IPO5: variants seen among roughly 807,000 people sequenced by gnomAD.
IPO5 encodes importin 5, also known as importin-5.
Under a neutral mutation model 143.3 loss-of-function variants are expected in IPO5, and 18 were observed. That is an observed-to-expected ratio of 0.13 (90% CI 0.09 to 0.19). The LOEUF (loss-of-function observed/expected upper bound fraction) is 0.19. IPO5 is among the 10% of genes least tolerant of loss of function. The pLI, the probability that IPO5 is intolerant of heterozygous loss-of-function variation, is 1.00. For synonymous variants in IPO5, 477 were observed against 465.7 expected (o/e 1.02, Z -0.31); for missense variants, 1,013 against 1,336.9 (o/e 0.76, Z 3.78).
intron 13 of IPO5, chr13:98,002,245 GACCTT>G: frequency 6.2e-6 from 2 of 320,802 alleles, no homozygotes; most frequent in South Asian, 1.5e-4. Context: ...TCGATCTCCT[GACCTT>G]GTGATCCGCC....
chr13:97,976,984 G>A (rs1844106894), intron 4 of IPO5, 198 bp downstream of exon 4: 1 of 187,164 alleles, frequency 5.3e-6, no homozygotes, highest in Non-Finnish European at 1.1e-5. Flanking sequence ...TTGCTGCCGC[G>A]GCGCCTGGCA....
chr13:98,009,337 A>T (rs1308389209), intron 18 of IPO5, among the ~76,000 whole-genome samples: 1 of 152,198 alleles, frequency 6.6e-6, no homozygotes, highest in African/African-American at 2.4e-5. Context: ...TGCAGATGAT[A>T]AAGTCTGTGT....
intron 2 of IPO5, chr13:97,963,396 A>T: frequency 7.2e-6 from 1 of 139,706 alleles, no homozygotes. Flanking sequence ...TTTGAGACGG[A>T]GTCTAGCTCT....
At chr13:97,990,374 C>T (rs1325512937) in intron 8 of IPO5, 59 bp from the exon 9 acceptor site, 2 of 1,335,174 alleles carry the variant, frequency 1.5e-6, no homozygotes, top group Non-Finnish European at 2.1e-6. Context: ...AGTAAGAAAA[C>T]TTGAATTTGC....
chr13:98,021,443 T>G, intron 28 of IPO5: 1 of 351,698 alleles, frequency 2.8e-6, no homozygotes, highest in Non-Finnish European at 5.0e-6. Flanking sequence ...ACTTGTCATC[T>G]GCCAAAAAAC....
At chr13:98,019,543 G>T in intron 26 of IPO5, 38 bp from the exon 27 acceptor site, 1 of 1,353,440 alleles carries the variant, frequency 7.4e-7, no homozygotes, top group South Asian at 1.2e-5. Context: ...ATGAAAATGT[G>T]AGGTTTTAGC....
At chr13:98,001,978 A>G (rs150611074) in intron 13 of IPO5, 1 of 152,062 alleles carries the variant, frequency 6.6e-6, no homozygotes, top group East Asian at 1.9e-4. Flanking sequence ...AAAAGTAAAT[A>G]TACAAATGTT....
In IPO5 at chr13:98,018,937, C is replaced by T. The variant is rs372225404; in HGVS notation, c.2836+233C>T. 5.3e-5 allele frequency among the ~76,000 whole-genome samples: 8 copies of T among 151,784 alleles called. No individual in the cohort carries two copies. In the East Asian group the frequency reaches 7.7e-4, roughly 15 times the overall value. On this transcript the variant is annotated intron_variant, in intron 26 of 28. Coordinates refer to ENST00000651721, the MANE Select transcript of IPO5 (RefSeq NM_002271.6). ...GCCTTCCAGGGTGCATTTCTCTTTG[C>T]GTTTTGGCAATATACAACAGCCTTA...
At chr13:98,017,748 T>C (rs868649456) in intron 25 of IPO5, among the ~76,000 whole-genome samples, 8 of 152,240 alleles carry the variant, frequency 5.3e-5, no homozygotes, top group African/African-American at 1.9e-4. Flanking sequence ...GTTTCTGTTA[T>C]GGACCTACAT....
At chr13:97,989,274 T>G (rs1887626174) in intron 7 of IPO5, 110 bp downstream of exon 7, 1 of 562,556 alleles carries the variant, frequency 1.8e-6, no homozygotes, top group Non-Finnish European at 3.0e-6. Context: ...ATGATAATAA[T>G]GCCTTTACAT....
At chr13:97,960,561 G>GTTT (rs67034804) in intron 2 of IPO5, among the ~76,000 whole-genome samples, 1 of 141,678 alleles carries the variant, frequency 7.1e-6, no homozygotes, top group Non-Finnish European at 1.5e-5. Flanking sequence ...TATTTATTTG[G>GTTT]TTTTTTTTTT....
chr13:97,984,639 A>G (rs1273730094), intron 5 of IPO5, among the ~76,000 whole-genome samples: 1 of 152,198 alleles, frequency 6.6e-6, no homozygotes, highest in Non-Finnish European at 1.5e-5. Flanking sequence ...AATGGAGGAA[A>G]AAAATAGCCA....
At chr13:97,964,631 A>T (rs1400783000) in intron 2 of IPO5, among the ~76,000 whole-genome samples, 2 of 151,918 alleles carry the variant, frequency 1.3e-5, no homozygotes, top group African/African-American at 4.8e-5. Flanking sequence ...TACAAAAAAA[A>T]GTAGAGACGG....
rs187296076 is a variant in IPO5 at position 98,001,112 on chromosome 13, A to G, written c.1108+467A>G. The stretch of plus-strand genomic sequence containing the variant: ...TGGTCTCAAACTCCTGGCCTCAAGC[A>G]GTCCTCCTGCTTCAGCCTCCCAGAG... On this transcript the variant is annotated intron_variant, in intron 13 of 28. Coordinates refer to ENST00000651721, the MANE Select transcript of IPO5 (RefSeq NM_002271.6). Among the ~76,000 whole-genome samples the G allele has an allele frequency of 5.1e-4, 77 of 151,920 alleles. 1 individual carries two copies. The South Asian group carries it at 7.7e-3, about 15-fold the overall frequency.
chr13:97,958,625 G>A (rs1009111504), intron 2 of IPO5, among the ~76,000 whole-genome samples: 3 of 151,124 alleles, frequency 2.0e-5, no homozygotes, highest in Non-Finnish European at 4.4e-5. Flanking sequence ...ACCTTGGATC[G>A]GCCTCTGCAC....
chr13:97,960,887 G>A (rs1884824433), intron 2 of IPO5, among the ~76,000 whole-genome samples: 1 of 152,076 alleles, frequency 6.6e-6, no homozygotes, highest in Non-Finnish European at 1.5e-5. Context: ...AGTGTACAAT[G>A]GAGTGTTTAG....
intron 22 of IPO5, among the ~76,000 whole-genome samples, chr13:98,015,319 G>T (rs745523687): frequency 1.1e-4 from 17 of 151,454 alleles, no homozygotes; most frequent in Admixed American, 4.6e-4. Flanking sequence ...TGGCACCTAG[G>T]TATGCTCAGT....
chr13:97,999,649 C>T (rs1423511462), intron 12 of IPO5, among the ~76,000 whole-genome samples: 2 of 152,158 alleles, frequency 1.3e-5, no homozygotes, highest in Non-Finnish European at 2.9e-5. Context: ...CACTACTGAT[C>T]CTCCAGTTCT....
Position 98,019,820 on chromosome 13 carries a change from A to T in IPO5, c.3065+11A>T, listed in dbSNP as rs568860802. On this transcript the variant is annotated intron_variant, in intron 27 of 28. Transcript: ENST00000651721. Reference sequence around the variant, plus strand: ...TGACCTGATTGAAAGGTAGGAAAGCAGACTGTGACCTTATTTCCTTCTCCT... The same window carrying T: ...TGACCTGATTGAAAGGTAGGAAAGCTGACTGTGACCTTATTTCCTTCTCCT... The T allele has an allele frequency of 8.3e-6, 13 of 1,559,050 alleles. No individual in the cohort carries two copies. The Admixed American group carries it at 1.5e-4, about 18-fold the overall frequency.
Sources: gnomAD v4.1 joint callset for allele counts (sites outside exome capture counted in the v4.1 genomes callset) on GRCh38, gnomAD v4.1.1 for gene constraint, MANE v1.5 for transcripts, NCBI Gene and HGNC (gene_info 2026-07-23, HGNC 2026-07-21) for gene names.